The following SPATA22 variants were observed in gnomAD, a reference collection of about 807,000 sequenced individuals.
SPATA22 encodes the protein spermatogenesis associated 22.
Under a neutral mutation model 47.8 loss-of-function variants are expected in SPATA22, and 29 were observed. The observed-to-expected ratio is 0.61, with a 90% CI of 0.45 to 0.83. SPATA22 has a LOEUF of 0.83. SPATA22 is among the 40% of genes least tolerant of loss of function. The pLI is 0.00. For synonymous variants in SPATA22, 133 were observed against 140.9 expected (o/e 0.94, Z 0.40); for missense variants, 410 against 421.7 (o/e 0.97, Z 0.24).
At chr17:3,467,303 C>A in intron 3 of SPATA22, 123 bp downstream of exon 3, 1 of 795,258 alleles carries the variant, frequency 1.3e-6, no homozygotes, top group Non-Finnish European at 1.9e-6. Context: ...TATGTAATTT[C>A]TATATGTGGA....
rs2073440492 is a variant in SPATA22, at chr17:3,471,691, C to T, written c.-83G>A. On this transcript the variant is annotated 5_prime_UTR_variant, in exon 1 of 9. Coordinates refer to ENST00000572969, the MANE Select transcript of SPATA22 (RefSeq NM_001170698.2). Reference sequence around the variant, plus strand: ...TTTGGTATCAACGCACAGTCTTTCCCTTCTAGGCCCTCCTGCCAACACGAC... The same window carrying T: ...TTTGGTATCAACGCACAGTCTTTCCTTTCTAGGCCCTCCTGCCAACACGAC... 6 of 985,554 alleles carry T rather than the reference C, an allele frequency of 6.1e-6. No individual in the cohort carries two copies. The highest frequency in any genetic ancestry group is 6.1e-5 in the Admixed American group (1 of 16,290). 61.1% of individuals were successfully genotyped at this position (985,554 alleles called of 1,614,324 possible).
chr17:3,471,288 A>G (rs900209487), intron 1 of SPATA22: 2 of 356,808 alleles, frequency 5.6e-6, no homozygotes, highest in Non-Finnish European at 7.8e-6. Flanking sequence ...CACCGGCGCA[A>G]CTCACATCCT....
chr17:3,502,552 C>T (rs1469877404), intron 1 of SPATA22: 2 of 152,112 alleles, frequency 1.3e-5, no homozygotes, highest in East Asian at 1.9e-4. Context: ...CTTTTAAGTG[C>T]TGTTTTGTAG....
chr17:3,505,120 C>G (rs1056525607), intron 1 of SPATA22, among the ~76,000 whole-genome samples: 1 of 145,496 alleles, frequency 6.9e-6, no homozygotes, highest in Non-Finnish European at 1.5e-5. Context: ...GAAACGCTTC[C>G]CCATCTCCAC....
intron 1 of SPATA22, chr17:3,489,090 C>A: frequency 1.7e-6 from 1 of 584,712 alleles, no homozygotes; most frequent in Non-Finnish European, 3.0e-6. Context: ...AACATTATGT[C>A]TCAAATATTT....
intron 5 of SPATA22, among the ~76,000 whole-genome samples, chr17:3,454,677 A>G (rs2072943868): frequency 6.6e-6 from 1 of 151,740 alleles, no homozygotes; most frequent in Non-Finnish European, 1.5e-5. Flanking sequence ...TATGTGCCAC[A>G]TTTTCTTAAT....
At chr17:3,473,562 A>AAAAT (rs1597419434), upstream of SPATA22, among the ~76,000 whole-genome samples, 3 of 152,140 alleles carry the variant, frequency 2.0e-5, no homozygotes, top group East Asian at 5.8e-4. Flanking sequence ...GCAATGGCAC[A>AAAAT]ATCTCAGCTC....
At chr17:3,459,509 G>A (rs376483124) in intron 5 of SPATA22, among the ~76,000 whole-genome samples, 2 of 152,290 alleles carry the variant, frequency 1.3e-5, no homozygotes, top group African/African-American at 2.4e-5. Context: ...AGGTTCCAAT[G>A]ATTCTACTGC....
At chr17:3,476,775 A>G (rs1270527880), upstream of SPATA22, among the ~76,000 whole-genome samples, 1 of 152,228 alleles carries the variant, frequency 6.6e-6, no homozygotes, top group East Asian at 1.9e-4. Flanking sequence ...TTAGCTTTTT[A>G]GGAAATTCAC....
At chr17:3,460,814 A>AG (rs148817885) in intron 5 of SPATA22, among the ~76,000 whole-genome samples, 21,631 of 139,214 alleles carry the variant, frequency 0.16, 2,077 homozygotes, top group East Asian at 0.27. Context: ...AAAAAAAAAA[A>AG]GATTAAAAAT....
chr17:3,467,934 C>G (rs2073351088), intron 2 of SPATA22, among the ~76,000 whole-genome samples: 1 of 152,162 alleles, frequency 6.6e-6, no homozygotes. Flanking sequence ...AAGAACCAAA[C>G]TCTGAACCAT....
chr17:3,471,759 C>A lies in SPATA22; in HGVS notation c.-151G>T. 1 of 985,738 alleles carries A rather than the reference C, an allele frequency of 1.0e-6. No homozygotes were observed. The highest frequency in any genetic ancestry group is 1.2e-6 in the Non-Finnish European group (1 of 830,156). The allele number at this position is 985,738 out of a possible 1,614,324, so 61.1% of individuals were successfully genotyped here. A position where few individuals can be genotyped will look rare whatever the true frequency, so the allele number is the denominator to read the frequency against. On this transcript the variant is annotated 5_prime_UTR_variant, in exon 1 of 9. Coordinates refer to ENST00000572969, the MANE Select transcript of SPATA22 (RefSeq NM_001170698.2). The stretch of plus-strand genomic sequence containing the variant: ...AGTTTCCCTCGCCTCCGTCAACCGT[C>A]GTCCAGGCGGCCCCGTCAGCAACCG...
chr17:3,476,357 C>T, upstream of SPATA22: 1 of 1,614,152 alleles, frequency 6.2e-7, no homozygotes, highest in South Asian at 1.1e-5. Flanking sequence ...GATATATTGA[C>T]TGTGACCTGA....
In SPATA22 at chr17:3,440,232, A is replaced by T; in HGVS notation, c.1007T>A (p.Val336Asp). ...FQCVSVRPASVSEQKTFQAFV... is the reference protein window; with the variant it reads ...FQCVSVRPASDSEQKTFQAFV... ...TGCCTGGAAAGTTTTTTGTTCAGAAACAGACGCCGGTCTGACAGAAACACA... is the reference window on the plus strand; with the variant it reads ...TGCCTGGAAAGTTTTTTGTTCAGAATCAGACGCCGGTCTGACAGAAACACA... The change falls in exon 9 of 9, where the codon GTT (valine) becomes GAT (aspartate). Residue 336 changes from valine (V) to aspartate (D), a missense_variant. By Grantham distance (152) the Val-to-Asp change is radical (BLOSUM62 -3). Coordinates refer to ENST00000572969, the MANE Select transcript of SPATA22 (RefSeq NM_001170698.2). 1 of 1,611,906 alleles carries T rather than the reference A, an allele frequency of 6.2e-7. No homozygotes were observed. Among genetic ancestry groups the T allele is most frequent in the Non-Finnish European group, 8.5e-7 (1 of 1,178,836 alleles).
chr17:3,503,531 A>T (rs2074014300), intron 1 of SPATA22: 1 of 114,156 alleles, frequency 8.8e-6, no homozygotes, highest in Non-Finnish European at 2.0e-5. Context: ...CTTTTTCCAG[A>T]TGAAAATTTT....
intron 3 of SPATA22, 68 bp from the exon 4 acceptor site, chr17:3,462,835 CTTAT>C: frequency 8.0e-7 from 1 of 1,251,074 alleles, no homozygotes; most frequent in East Asian, 2.3e-5. Context: ...TAAATTCATA[CTTAT>C]TTAATTTGGA....
At position 3,488,549 on chromosome 17, in the gene SPATA22, C is replaced by T. The variant is rs112048586; in HGVS notation, c.-73-19151G>A. On this transcript the variant is annotated intron_variant, in intron 1 of 8. Coordinates refer to the SPATA22 transcript ENST00000541913. This position sits in a 1 kb window ranked among gnomAD's most constrained non-coding sequence, Gnocchi z 6.1. ...GCCCGTGCCTGTAATCCCAGCTACT[C>T]GGGAGGCTGAGGCAGAAGAATCGCT... is the stretch of plus-strand genomic sequence containing the variant. 5.1e-3 allele frequency among the ~76,000 whole-genome samples: 770 copies of T among 152,168 alleles called. 9 individuals are homozygous for T. Among genetic ancestry groups the T allele is most frequent in the Admixed American group, 5.3e-3 (81 of 15,280 alleles).
intron 1 of SPATA22, chr17:3,500,268 T>C (rs922942874): frequency 6.6e-6 from 1 of 152,274 alleles, no homozygotes; most frequent in Non-Finnish European, 1.5e-5. Flanking sequence ...ATCCAGAAGA[T>C]GTAGCTAAAA....
intron 1 of SPATA22, chr17:3,494,443 T>G (rs1227234842): frequency 6.2e-7 from 1 of 1,604,356 alleles, no homozygotes; most frequent in South Asian, 1.1e-5. Context: ...GCTGCTATCA[T>G]CCATCCTAAT....
Sources: gnomAD v4.1 joint callset for allele counts (sites outside exome capture counted in the v4.1 genomes callset) on GRCh38, gnomAD v4.1.1 for gene constraint, Gnocchi (gnomAD v3.1) non-coding constraint, MANE v1.5 for transcripts, NCBI Gene and HGNC (gene_info 2026-07-23, HGNC 2026-07-21) for gene names.